The following ZNF410 variants were observed in gnomAD, a reference collection of about 807,000 sequenced individuals.
The protein encoded by ZNF410 is zinc finger protein 410.
Under a neutral mutation model 54.8 loss-of-function variants are expected in ZNF410, and 18 were observed. The ratio of observed to expected loss-of-function variants is 0.33; its 90% CI spans 0.23 to 0.49. ZNF410 has a LOEUF of 0.49. ZNF410 is among the 20% of genes least tolerant of loss of function. The probability of loss-of-function intolerance (pLI) is 0.99; values close to 1 mark genes in which losing one functional copy is unlikely to be tolerated. For missense variants in ZNF410, 405 were observed against 569.6 expected, an observed-to-expected ratio of 0.71 and a Z score of 2.94; for synonymous variants, 191 against 207.3, an observed-to-expected ratio of 0.92 and a Z score of 0.68.
intron 8 of ZNF410, chr14:73,920,672 A>ACT (rs1566664628): frequency 1.5e-5 from 4 of 262,804 alleles, no homozygotes; most frequent in Non-Finnish European, 2.9e-5. Context: ...TGGAAGACTA[A>ACT]CTGAAAAAGA....
chr14:73,922,278 A>G (rs2055767975), intron 10 of ZNF410, 72 bp downstream of exon 10: 2 of 1,470,428 alleles, frequency 1.4e-6, no homozygotes, highest in South Asian at 2.5e-5. Context: ...GGGTGTCTCC[A>G]CAATGTATGT....
chr14:73,908,174 C>T (rs1159426595), intron 7 of ZNF410, among the ~76,000 whole-genome samples: 1 of 152,148 alleles, frequency 6.6e-6, no homozygotes, highest in Non-Finnish European at 1.5e-5. Flanking sequence ...GTCTTTTAAA[C>T]CTCTTCCTTC....
At chr14:73,897,700 G>T (rs563540478) in intron 4 of ZNF410, among the ~76,000 whole-genome samples, 1 of 152,136 alleles carries the variant, frequency 6.6e-6, no homozygotes, top group Admixed American at 6.5e-5. Context: ...TGGGCCAGGC[G>T]CAGTGGCTCA....
At chr14:73,922,305 A>G (rs2055768319) in intron 10 of ZNF410, 99 bp downstream of exon 10, 4 of 1,288,670 alleles carry the variant, frequency 3.1e-6, no homozygotes, top group Admixed American at 2.3e-5. Context: ...CTCATTTCTT[A>G]TGAGTAGCTG....
intron 8 of ZNF410, among the ~76,000 whole-genome samples, chr14:73,910,176 A>G (rs1258617896): frequency 1.3e-5 from 2 of 152,206 alleles, no homozygotes; most frequent in East Asian, 1.9e-4. Context: ...GCCAGGAAGG[A>G]GAGTTTGTGG....
chr14:73,893,454 A>G, intron 2 of ZNF410: 1 of 203,480 alleles, frequency 4.9e-6, no homozygotes, highest in Non-Finnish European at 1.0e-5. Flanking sequence ...ACTGTACTGA[A>G]TACTGTAGGC....
chr14:73,915,795 G>GT (rs2055656131), intron 8 of ZNF410: 1 of 152,172 alleles, frequency 6.6e-6, no homozygotes, highest in Non-Finnish European at 1.5e-5. Flanking sequence ...AGATGATCTT[G>GT]TTTTTGTACT....
intron 8 of ZNF410, 180 bp downstream of exon 8, chr14:73,909,610 G>GA: frequency 4.0e-6 from 2 of 503,912 alleles, no homozygotes; most frequent in South Asian, 2.8e-5. Flanking sequence ...TCAAGGTTGG[G>GA]GGGGGGACAT....
chr14:73,921,212 G>C (rs1244202626), intron 9 of ZNF410, 107 bp downstream of exon 9: 3 of 1,452,786 alleles, frequency 2.1e-6, no homozygotes, highest in African/African-American at 1.4e-5. Flanking sequence ...GTTTTGGGTA[G>C]ATAGACCTGG....
At chr14:73,918,029 G>A (rs2055694512) in intron 8 of ZNF410, among the ~76,000 whole-genome samples, 1 of 152,122 alleles carries the variant, frequency 6.6e-6, no homozygotes, top group South Asian at 2.1e-4. Context: ...ATTACTGATA[G>A]TACCTAATAC....
At chr14:73,915,518 T>C (rs2055651253) in intron 8 of ZNF410, 1 of 151,810 alleles carries the variant, frequency 6.6e-6, no homozygotes, top group South Asian at 2.1e-4. Flanking sequence ...TTGTTTTTTT[T>C]AGTAGAGATG....
In ZNF410 at chr14:73,929,756, G is replaced by A. The variant is rs528465672; in HGVS notation, c.1399-1747G>A. ...CACTTGGGCCCAGGAAGTTGAGGCTGTAGTGAGCCATGATCTTGCCACTAC... is the reference window on the plus strand; with the variant it reads ...CACTTGGGCCCAGGAAGTTGAGGCTATAGTGAGCCATGATCTTGCCACTAC... On this transcript the variant is annotated intron_variant, in intron 11 of 11. Transcript: ENST00000555044. Among the ~76,000 whole-genome samples, 19 of 151,858 alleles carry A rather than the reference G, an allele frequency of 1.3e-4. No individual in the cohort carries two copies. In the East Asian group the frequency reaches 3.5e-3, roughly 28 times the overall value.
chr14:73,891,560 G>A (rs2055230698), intron 1 of ZNF410, among the ~76,000 whole-genome samples: 1 of 152,060 alleles, frequency 6.6e-6, no homozygotes, highest in Admixed American at 6.6e-5. Context: ...CACTATGTTG[G>A]CCAGGCTGGT....
At position 73,909,355 on chromosome 14, in the gene ZNF410, C is replaced by T. The variant is rs1478128864; in HGVS notation, c.928C>T (p.Leu310Phe). The change falls in exon 8 of 12, where the codon CTT becomes TTT. Residue 310 changes from leucine (L) to phenylalanine (F), a missense_variant. By Grantham distance (22) the Leu-to-Phe change is conservative. Coordinates refer to ENST00000555044, the MANE Select transcript of ZNF410 (RefSeq NM_021188.3). The stretch of plus-strand genomic sequence containing the variant: ...TCTGTCTCTAGGAGAGAAACCTTTC[C>T]TTTGTGAAGCCCAAGGATGTGGCCG... ...RRIHTGEKPF[L>F]CEAQGCGRSF... is the part of the protein sequence containing the mutation. 1.2e-6 allele frequency: 2 copies of T among 1,613,686 alleles called. No homozygotes were observed. The highest frequency in any genetic ancestry group is 2.2e-5 in the East Asian group (1 of 44,884).
intron 9 of ZNF410, 179 bp downstream of exon 9, chr14:73,921,284 T>C (rs1309812648): frequency 1.1e-5 from 7 of 626,768 alleles, no homozygotes; most frequent in Non-Finnish European, 1.5e-5. Context: ...CTGCAACCTT[T>C]TAAAATTTAT....
chr14:73,930,357 C>G (rs1017403219), intron 11 of ZNF410, among the ~76,000 whole-genome samples: 1 of 152,138 alleles, frequency 6.6e-6, no homozygotes, highest in African/African-American at 2.4e-5. Context: ...GATACAGTGT[C>G]TTACCATGTT....
At chr14:73,909,159 A>G (rs2140310453) in intron 7 of ZNF410, among the ~76,000 whole-genome samples, 182 bp from the exon 8 acceptor site, 2 of 152,308 alleles carry the variant, frequency 1.3e-5, no homozygotes, top group South Asian at 4.1e-4. Flanking sequence ...GTCTGGTGGC[A>G]TATATACTAA....
intron 3 of ZNF410, 107 bp downstream of exon 3, chr14:73,894,039 CTG>C (rs1312622713): frequency 7.0e-7 from 1 of 1,419,022 alleles, no homozygotes; most frequent in Non-Finnish European, 9.4e-7. Flanking sequence ...CTGGTGGAAA[CTG>C]TAAAAATTAG....
chr14:73,919,623 C>A (rs1308307962), intron 8 of ZNF410, among the ~76,000 whole-genome samples: 1 of 152,068 alleles, frequency 6.6e-6, no homozygotes, highest in Admixed American at 6.6e-5. Flanking sequence ...TGATTTTGTT[C>A]TTTTTTATGG....
Sources: allele counts gnomAD v4.1 joint callset (sites outside exome capture counted in the v4.1 genomes callset), GRCh38; gene constraint gnomAD v4.1.1; transcripts MANE v1.5; gene names NCBI Gene and HGNC (gene_info 2026-07-23, HGNC 2026-07-21).